The following KIF1B variants were observed in gnomAD, a reference collection of about 807,000 sequenced individuals.
KIF1B encodes the protein kinesin-like protein KIF1B.
In KIF1B, 76 loss-of-function variants were observed where a neutral mutation model predicts 241.9. The observed-to-expected ratio is 0.31, with a 90% CI of 0.26 to 0.38. The LOEUF is 0.38. Among genes scored for constraint, KIF1B ranks in the 10% least tolerant of loss-of-function variants. The probability of loss-of-function intolerance (pLI) is 1.00; values close to 1 mark genes in which losing one functional copy is unlikely to be tolerated. For missense variants in KIF1B, 1,622 were observed against 2,271.4 expected, an observed-to-expected ratio of 0.71 and a Z score of 5.81; for synonymous variants, 750 against 796.7, an observed-to-expected ratio of 0.94 and a Z score of 0.99.
intron 15 of KIF1B, among the ~76,000 whole-genome samples, chr1:10,283,741 T>C (rs558269700): frequency 1.3e-5 from 2 of 152,324 alleles, no homozygotes; most frequent in East Asian, 1.9e-4. Context: ...AGTGCTAGGG[T>C]AGGGGACACA....
intron 22 of KIF1B, among the ~76,000 whole-genome samples, chr1:10,309,778 G>A (rs1045795127): frequency 6.6e-6 from 1 of 151,300 alleles, no homozygotes; most frequent in Non-Finnish European, 1.5e-5. Flanking sequence ...GTGTCCTCAG[G>A]GGCTTTCCAT....
chr1:10,277,866 A>G, intron 12 of KIF1B, 120 bp from the exon 13 acceptor site: 1 of 866,848 alleles, frequency 1.2e-6, no homozygotes, highest in Non-Finnish European at 1.8e-6. Context: ...CAAATGTATT[A>G]TTATCAAGGC....
intron 1 of KIF1B, among the ~76,000 whole-genome samples, chr1:10,222,481 T>A (rs1646858217): frequency 6.6e-6 from 1 of 152,238 alleles, no homozygotes; most frequent in Non-Finnish European, 1.5e-5. Flanking sequence ...ATCATTTTTT[T>A]AGGAATATAA....
Position 10,210,997 on chromosome 1 carries a change from G to C in KIF1B, c.-80+119G>C, listed in dbSNP as rs1646685512. 1.3e-5 allele frequency: 2 copies of C among 151,948 alleles called. No individual in the cohort carries two copies. The allele number at this position is 151,948 out of a possible 1,614,324, so 9.4% of individuals were successfully genotyped here. A position where few individuals can be genotyped will look rare whatever the true frequency, so the allele number is the denominator to read the frequency against. On this transcript the variant is annotated intron_variant, in intron 1 of 48. Coordinates refer to ENST00000676179, the MANE Select transcript of KIF1B (RefSeq NM_001365951.3). The surrounding 1 kb of genome is among the most constrained non-coding windows in gnomAD (Gnocchi z 4.1). ...GGCGGGGTCTGAGGGGAGGTAGCGC[G>C]GGACGGGCGCCGGGTGCGGGAGCCT...
rs1403229338 is a variant in KIF1B, at chr1:10,381,566, G to A, written c.*4979G>A. On this transcript the variant is annotated 3_prime_UTR_variant, in exon 49 of 49. Transcript: ENST00000676179. ...TTGCGTCACGGAGCTGTTAGTGAAC[G>A]AGGTAAAAATAATAAAGGTACAGCC... 1 of 194,162 alleles carries A rather than the reference G, an allele frequency of 5.2e-6. No homozygotes were observed. Among genetic ancestry groups the A allele is most frequent in the Non-Finnish European group, 1.1e-5 (1 of 92,856 alleles). The allele number at this position is 194,162 out of a possible 1,614,324, so 12.0% of individuals were successfully genotyped here. A position where few individuals can be genotyped will look rare whatever the true frequency, so the allele number is the denominator to read the frequency against.
intron 1 of KIF1B, among the ~76,000 whole-genome samples, chr1:10,231,867 G>A (rs1324626823): frequency 6.6e-6 from 1 of 152,104 alleles, no homozygotes; most frequent in Non-Finnish European, 1.5e-5. Flanking sequence ...TTAATAAATA[G>A]GGACTTTTTA....
rs184975485 is a variant in KIF1B at position 10,369,722 on chromosome 1, C to T, written c.4824+1184C>T. On this transcript the variant is annotated intron_variant, in intron 44 of 48. Transcript: ENST00000676179. The stretch of plus-strand genomic sequence containing the variant: ...CCAAGGCGGGAAGATCACCTGAGGT[C>T]GGGAGTTTGCGACCAGCCTGACCAA... Among the ~76,000 whole-genome samples, 1,502 of 151,140 alleles carry T rather than the reference C, an allele frequency of 9.9e-3. 19 individuals are homozygous for T. The highest frequency in any genetic ancestry group is 0.034 in the African/African-American group (1,407 of 41,174).
intron 37 of KIF1B, among the ~76,000 whole-genome samples, chr1:10,350,327 A>G (rs941766137): frequency 6.6e-6 from 1 of 152,038 alleles, no homozygotes; most frequent in Non-Finnish European, 1.5e-5. Flanking sequence ...TGGGAGGCCA[A>G]GATGGGCGGA....
At chr1:10,307,558 C>T in intron 22 of KIF1B, 1 of 793,676 alleles carries the variant, frequency 1.3e-6, no homozygotes, top group Non-Finnish European at 1.5e-6. Context: ...GATCCACCTG[C>T]CTTGGCCTCC....
At chr1:10,345,656 G>T in intron 34 of KIF1B, 189 bp from the exon 35 acceptor site, 1 of 603,682 alleles carries the variant, frequency 1.7e-6, no homozygotes. Context: ...CTTGTTCTCT[G>T]AATGTAGAGA....
chr1:10,250,903 G>A (rs1180114076), intron 2 of KIF1B, among the ~76,000 whole-genome samples: 2 of 152,032 alleles, frequency 1.3e-5, no homozygotes, highest in African/African-American at 4.8e-5. Context: ...TGGCTCACAC[G>A]TGTAATCCTA....
intron 22 of KIF1B, among the ~76,000 whole-genome samples, chr1:10,310,134 G>A (rs1651005339): frequency 1.3e-5 from 2 of 151,636 alleles, no homozygotes; most frequent in South Asian, 2.1e-4. Flanking sequence ...AATAAATGCC[G>A]TATCTGTCTT....
intron 1 of KIF1B, among the ~76,000 whole-genome samples, chr1:10,216,109 A>G (rs1272304021): frequency 6.6e-6 from 1 of 152,226 alleles, no homozygotes; most frequent in Non-Finnish European, 1.5e-5. Flanking sequence ...TGAAACTAAA[A>G]CAGGCCAAGT....
intron 2 of KIF1B, among the ~76,000 whole-genome samples, chr1:10,244,315 CT>C (rs571243520): frequency 7.2e-4 from 92 of 127,520 alleles, no homozygotes; most frequent in Non-Finnish European, 1.0e-3. Flanking sequence ...TTTTTCTTTT[CT>C]TTTTTTTTTT....
chr1:10,218,794 A>G (rs1646802344), intron 1 of KIF1B, among the ~76,000 whole-genome samples: 1 of 152,206 alleles, frequency 6.6e-6, no homozygotes, highest in African/African-American at 2.4e-5. Flanking sequence ...AACTTTGACT[A>G]CACAACATAT....
chr1:10,347,958 A>ATTT, intron 36 of KIF1B, 131 bp downstream of exon 36: 8 of 580,978 alleles, frequency 1.4e-5, no homozygotes, highest in East Asian at 3.5e-5. Flanking sequence ...TCCTGTTGTC[A>ATTT]TTTTTTTTTT....
In KIF1B at chr1:10,336,666, A is replaced by G; in HGVS notation, c.3053A>G (p.Glu1018Gly). The change falls in exon 29 of 49, where the codon GAA becomes GGA. Residue 1018 changes from glutamate to glycine, a missense_variant. Physicochemically the swap from Glu to Gly is moderately conservative, Grantham distance 98. Transcript: ENST00000676179. ...VAVQAIAADE[E>G]APDYGSGIRQ... ...TTTTTTTCTGCTTTAGCGGATGAAG[A>G]AGCTCCTGATTATGGCTCTGGAATT... 6.2e-7 allele frequency: 1 copy of G among 1,613,878 alleles called. No individual in the cohort carries two copies. The highest frequency in any genetic ancestry group is 8.5e-7 in the Non-Finnish European group (1 of 1,179,782).
intron 2 of KIF1B, among the ~76,000 whole-genome samples, chr1:10,237,701 A>C (rs570937588): frequency 6.6e-6 from 1 of 152,126 alleles, no homozygotes; most frequent in African/African-American, 2.4e-5. Context: ...TAATGATTTC[A>C]TGTCCACTAT....
At chr1:10,300,192 G>A (rs528062116) in intron 22 of KIF1B, among the ~76,000 whole-genome samples, 10 of 150,674 alleles carry the variant, frequency 6.6e-5, no homozygotes, top group Admixed American at 2.0e-4. Flanking sequence ...AGCCAAGATC[G>A]CGCAACTGCA....
Sources: allele counts gnomAD v4.1 joint callset (sites outside exome capture counted in the v4.1 genomes callset), GRCh38; gene constraint gnomAD v4.1.1; non-coding constraint Gnocchi (gnomAD v3.1); transcripts MANE v1.5; gene names NCBI Gene and HGNC (gene_info 2026-07-23, HGNC 2026-07-21).